SPATA13: variants seen among roughly 807,000 people sequenced by gnomAD.
The protein encoded by SPATA13 is spermatogenesis associated 13, also known as spermatogenesis-associated protein 13.
A neutral mutation model predicts 104.0 loss-of-function variants in SPATA13; 50 were observed. The ratio of observed to expected loss-of-function variants is 0.48; its 90% CI spans 0.38 to 0.61. The LOEUF (loss-of-function observed/expected upper bound fraction) is 0.61, where lower values mean the gene tolerates loss of function less well. Among genes scored for constraint, SPATA13 ranks in the 20% least tolerant of loss-of-function variants. SPATA13 has a pLI of 0.00. For synonymous variants in SPATA13, 606 were observed against 667.5 expected (o/e 0.91, Z 1.42); for missense variants, 1,524 against 1,690.6 (o/e 0.90, Z 1.73).
At chr13:24,031,185 A>G (rs1394389815) in intron 3 of SPATA13, among the ~76,000 whole-genome samples, 1 of 152,202 alleles carries the variant, frequency 6.6e-6, no homozygotes, top group Non-Finnish European at 1.5e-5. Flanking sequence ...AGGCCCTTTC[A>G]TGGATGGCAT....
intron 3 of SPATA13, among the ~76,000 whole-genome samples, chr13:24,071,795 C>T (rs374353434): frequency 2.0e-5 from 3 of 152,112 alleles, no homozygotes; most frequent in African/African-American, 7.2e-5. Context: ...TTTCTGGATG[C>T]CTGGAAGCTC....
intron 3 of SPATA13, among the ~76,000 whole-genome samples, chr13:24,112,748 A>G (rs1354681441): frequency 6.6e-6 from 1 of 152,146 alleles, no homozygotes; most frequent in African/African-American, 2.4e-5. Flanking sequence ...CTCTGCCTTC[A>G]TGGGCTGGGC....
In SPATA13 at chr13:24,051,443, G is replaced by A. The variant is rs977676429; in HGVS notation, c.-112+33742G>A. Among the ~76,000 whole-genome samples, 2 of 152,154 alleles carry A rather than the reference G, an allele frequency of 1.3e-5. No homozygotes were observed. The highest frequency in any genetic ancestry group is 2.9e-5 in the Non-Finnish European group (2 of 68,030). On this transcript the variant is annotated intron_variant, in intron 3 of 14. Transcript: ENST00000424834. This position sits in a 1 kb window ranked among gnomAD's most constrained non-coding sequence, Gnocchi z 4.2. The stretch of plus-strand genomic sequence containing the variant: ...ACCAGGTACAGCCTGCCAGGCTCTC[G>A]CCTCCAGTTTCACACATCCTTGCAC...
intron 1 of SPATA13, among the ~76,000 whole-genome samples, chr13:24,209,496 C>T (rs994094092): frequency 1.1e-4 from 17 of 152,112 alleles, no homozygotes; most frequent in African/African-American, 4.1e-4. Flanking sequence ...TTCAGTTCTG[C>T]GTGTTAAGTG....
At chr13:24,072,565 C>T (rs1879201456) in intron 3 of SPATA13, among the ~76,000 whole-genome samples, 1 of 152,188 alleles carries the variant, frequency 6.6e-6, no homozygotes. Context: ...TCTCCAGCCC[C>T]TCCTGCTCAC....
intron 3 of SPATA13, among the ~76,000 whole-genome samples, chr13:24,067,914 G>A (rs902004150): frequency 2.6e-5 from 4 of 152,144 alleles, no homozygotes; most frequent in African/African-American, 9.7e-5. Flanking sequence ...ATGTTGGCAA[G>A]GTTGGTCTCG....
At chr13:24,010,880 A>G (rs1200149395) in intron 2 of SPATA13, among the ~76,000 whole-genome samples, 1 of 151,818 alleles carries the variant, frequency 6.6e-6, no homozygotes, top group East Asian at 2.0e-4. Flanking sequence ...ACCTGGTTCT[A>G]GGAATGGTTT....
At chr13:24,128,564 T>C (rs1434320576) in intron 3 of SPATA13, among the ~76,000 whole-genome samples, 1 of 152,030 alleles carries the variant, frequency 6.6e-6, no homozygotes, top group Non-Finnish European at 1.5e-5. Flanking sequence ...AGCCTGTCTT[T>C]CGGCATCCCA....
intron 3 of SPATA13, among the ~76,000 whole-genome samples, chr13:24,098,082 C>T (rs116197101): frequency 6.6e-6 from 1 of 151,832 alleles, no homozygotes; most frequent in African/African-American, 2.4e-5. Context: ...AAAGACCAGG[C>T]CCCAGAGAAA....
chr13:24,245,618 G>C (rs1156481297), intron 2 of SPATA13, among the ~76,000 whole-genome samples: 4 of 101,224 alleles, frequency 4.0e-5, no homozygotes, highest in Non-Finnish European at 7.7e-5. Context: ...TAGACAACAG[G>C]TCTTGCTTTG....
intron 4 of SPATA13, among the ~76,000 whole-genome samples, chr13:24,264,476 C>T (rs2138684424): frequency 6.6e-6 from 1 of 152,294 alleles, no homozygotes; most frequent in East Asian, 1.9e-4. Context: ...GTGGAGCTAG[C>T]ATTCAAATGA....
intron 3 of SPATA13, among the ~76,000 whole-genome samples, chr13:24,037,106 A>G (rs1877711809): frequency 6.7e-6 from 1 of 149,972 alleles, no homozygotes; most frequent in Non-Finnish European, 1.5e-5. Flanking sequence ...TTGGCAGATA[A>G]CCACTTGCTA....
intron 3 of SPATA13, among the ~76,000 whole-genome samples, chr13:24,055,275 A>G (rs111540377): frequency 6.6e-6 from 1 of 152,194 alleles, no homozygotes; most frequent in African/African-American, 2.4e-5. Flanking sequence ...CTTCAGTGTT[A>G]TAGATGTTAT....
intron 1 of SPATA13, 113 bp from the exon 2 acceptor site, chr13:24,222,706 T>C (rs1459133031): frequency 2.3e-6 from 2 of 859,890 alleles, no homozygotes; most frequent in East Asian, 2.7e-5. Flanking sequence ...TTAATTGAGT[T>C]TGAAGTAGCT....
intron 1 of SPATA13, among the ~76,000 whole-genome samples, chr13:24,176,026 G>T (rs979688383): frequency 1.3e-5 from 2 of 152,188 alleles, no homozygotes; most frequent in Non-Finnish European, 2.9e-5. Context: ...CATCCTCTGC[G>T]TGTCTCCTGT....
At chr13:24,148,592 G>A (rs754022373) in intron 3 of SPATA13, among the ~76,000 whole-genome samples, 9 of 152,200 alleles carry the variant, frequency 5.9e-5, no homozygotes, top group East Asian at 5.8e-4. Context: ...AGTGTGATAC[G>A]TTAGGAGTTT....
intron 4 of SPATA13, among the ~76,000 whole-genome samples, chr13:24,261,822 T>C (rs1282985850): frequency 6.6e-6 from 1 of 152,082 alleles, no homozygotes. Flanking sequence ...TAGGGCAGAA[T>C]GCCATGGGAG....
chr13:24,133,018 T>G (rs948914505), intron 3 of SPATA13, among the ~76,000 whole-genome samples: 7 of 152,056 alleles, frequency 4.6e-5, no homozygotes, highest in African/African-American at 1.7e-4. Context: ...GAAAGGAAAC[T>G]TCATACATAG....
intron 3 of SPATA13, chr13:24,121,982 T>C: frequency 7.5e-6 from 7 of 935,248 alleles, no homozygotes; most frequent in Non-Finnish European, 1.2e-5. Context: ...TTAGAGTAGA[T>C]AACATGAACC....
Sources: allele counts gnomAD v4.1 joint callset (sites outside exome capture counted in the v4.1 genomes callset), GRCh38; gene constraint gnomAD v4.1.1; non-coding constraint Gnocchi (gnomAD v3.1); transcripts MANE v1.5; gene names NCBI Gene and HGNC (gene_info 2026-07-23, HGNC 2026-07-21).